Variants in AUTS2 observed in about 807,000 individuals in gnomAD.
AUTS2 encodes activator of transcription and developmental regulator AUTS2.
A neutral mutation model predicts 112.4 loss-of-function variants in AUTS2; 17 were observed. The ratio of observed to expected loss-of-function variants is 0.15; its 90% CI spans 0.10 to 0.23. AUTS2 has a LOEUF of 0.23. Ranked by LOEUF, AUTS2 falls within the 10% of genes least tolerant of loss-of-function variation. The probability of loss-of-function intolerance (pLI) is 1.00; values close to 1 mark genes in which losing one functional copy is unlikely to be tolerated. For synonymous variants in AUTS2, 751 were observed against 702.7 expected, an observed-to-expected ratio of 1.07 and a Z score of -1.09; for missense variants, 1,510 against 1,701.6, an observed-to-expected ratio of 0.89 and a Z score of 1.98.
intron 1 of AUTS2, among the ~76,000 whole-genome samples, chr7:69,839,916 A>G (rs2129528465): frequency 6.6e-6 from 1 of 152,220 alleles, no homozygotes; most frequent in East Asian, 1.9e-4. Flanking sequence ...AGAGGCAGAT[A>G]AGAAACAGGA....
At chr7:70,620,565 C>A (rs1009168214) in intron 5 of AUTS2, among the ~76,000 whole-genome samples, 8 of 152,162 alleles carry the variant, frequency 5.3e-5, no homozygotes, top group Non-Finnish European at 1.5e-5. Context: ...AAACCACAGG[C>A]CTGACTGCTT....
intron 6 of AUTS2, among the ~76,000 whole-genome samples, chr7:70,762,335 C>T (rs1438441248): frequency 1.3e-5 from 2 of 152,106 alleles, no homozygotes; most frequent in African/African-American, 4.8e-5. Context: ...CAGAGTCTCG[C>T]TACGTTGCCC....
intron 2 of AUTS2, among the ~76,000 whole-genome samples, chr7:69,950,855 G>A (rs369181151): frequency 2.6e-5 from 4 of 152,036 alleles, no homozygotes; most frequent in South Asian, 4.2e-4. Flanking sequence ...GGATTTGGTC[G>A]GGTGCGGTGG....
At chr7:69,661,371 A>G (rs1163553551) in intron 1 of AUTS2, among the ~76,000 whole-genome samples, 4 of 152,238 alleles carry the variant, frequency 2.6e-5, no homozygotes, top group Non-Finnish European at 5.9e-5. Flanking sequence ...TCCTGTCCAC[A>G]GTGTTTGCCA....
Position 70,790,937 on chromosome 7 carries a change from T to A in AUTS2, c.3721T>A (p.Ser1241Thr), listed in dbSNP as rs1791911308. 1.3e-6 allele frequency: 2 copies of A among 1,539,612 alleles called. No homozygotes were observed. Among genetic ancestry groups the A allele is most frequent in the Non-Finnish European group, 1.7e-6 (2 of 1,144,606 alleles). The change falls in exon 19 of 19, where the codon TCC becomes ACC. Residue 1241 changes from serine (S) to threonine (T), a missense_variant. Ser to Thr is a moderately conservative substitution (Grantham distance 58). Transcript: ENST00000342771. The surrounding 1 kb of genome is among the most constrained non-coding windows in gnomAD (Gnocchi z 7.6). ...PVSPRRTTPL[S>T]AEIRERPPSH... The stretch of plus-strand genomic sequence containing the variant: ...CTCTCCCAGAAGGACGACTCCTCTG[T>A]CCGCAGAGATAAGGGAGAGGCCCCC...
intron 4 of AUTS2, among the ~76,000 whole-genome samples, chr7:70,396,414 T>A (rs1457094636): frequency 6.6e-6 from 1 of 152,008 alleles, no homozygotes; most frequent in Non-Finnish European, 1.5e-5. Context: ...TCTCTTTCTG[T>A]CACCCAGGCT....
intron 1 of AUTS2, among the ~76,000 whole-genome samples, chr7:69,810,199 A>G (rs913717254): frequency 1.2e-4 from 18 of 152,174 alleles, no homozygotes; most frequent in Non-Finnish European, 1.9e-4. Context: ...AACAGCGGCT[A>G]AGAGTGCCGG....
At chr7:70,629,749 C>G (rs1805159488) in intron 5 of AUTS2, among the ~76,000 whole-genome samples, 1 of 151,986 alleles carries the variant, frequency 6.6e-6, no homozygotes. Flanking sequence ...CTAAATTTAC[C>G]TAAGGTTCTT....
intron 2 of AUTS2, among the ~76,000 whole-genome samples, chr7:69,922,021 G>A (rs1373038206): frequency 6.6e-6 from 1 of 151,986 alleles, no homozygotes; most frequent in Non-Finnish European, 1.5e-5. Flanking sequence ...CCGAGATCAC[G>A]CCATTGCACT....
At chr7:70,243,011 T>C (rs1270885941) in intron 4 of AUTS2, among the ~76,000 whole-genome samples, 1 of 152,184 alleles carries the variant, frequency 6.6e-6, no homozygotes, top group Non-Finnish European at 1.5e-5. Flanking sequence ...TTGCCTATTT[T>C]ACCCTTAGGC....
intron 4 of AUTS2, among the ~76,000 whole-genome samples, chr7:70,252,796 C>G (rs980884733): frequency 6.6e-6 from 1 of 152,042 alleles, no homozygotes; most frequent in African/African-American, 2.4e-5. Flanking sequence ...TTTCATTGTT[C>G]TGCTTGTGGA....
At chr7:70,602,719 T>C (rs1479969042) in intron 5 of AUTS2, among the ~76,000 whole-genome samples, 3 of 152,216 alleles carry the variant, frequency 2.0e-5, no homozygotes, top group Non-Finnish European at 4.4e-5. Flanking sequence ...GATCACTGTT[T>C]CTTGAACACA....
At chr7:70,590,105 G>A (rs569712156) in intron 5 of AUTS2, among the ~76,000 whole-genome samples, 8 of 151,044 alleles carry the variant, frequency 5.3e-5, no homozygotes, top group Admixed American at 4.0e-4. Context: ...ACAGTGGCCA[G>A]GAACTTGTTT....
intron 4 of AUTS2, among the ~76,000 whole-genome samples, chr7:70,314,614 A>G (rs760137312): frequency 2.2e-4 from 34 of 152,092 alleles, no homozygotes; most frequent in Non-Finnish European, 4.6e-4. Context: ...TTTTCCTCTC[A>G]TCTTAAACCC....
chr7:70,237,628 A>G (rs1175143588), intron 4 of AUTS2, among the ~76,000 whole-genome samples: 1 of 152,220 alleles, frequency 6.6e-6, no homozygotes, highest in African/African-American at 2.4e-5. Context: ...ATGCATGACA[A>G]TTCAATTTGT....
chr7:70,400,941 G>T (rs989531445), intron 4 of AUTS2, among the ~76,000 whole-genome samples: 1 of 152,132 alleles, frequency 6.6e-6, no homozygotes, highest in African/African-American at 2.4e-5. Context: ...TGGCAGCAGC[G>T]TACAAGATGG....
chr7:70,056,941 T>G (rs1802020201), intron 2 of AUTS2, among the ~76,000 whole-genome samples: 1 of 152,220 alleles, frequency 6.6e-6, no homozygotes, highest in Non-Finnish European at 1.5e-5. Context: ...TTCCTATGAT[T>G]ATAATGATTC....
chr7:69,778,509 G>T (rs1307737805), intron 1 of AUTS2, among the ~76,000 whole-genome samples: 1 of 152,010 alleles, frequency 6.6e-6, no homozygotes, highest in Non-Finnish European at 1.5e-5. Context: ...GTTGTAATGT[G>T]CAGTAAGGTT....
At chr7:69,956,029 G>C (rs796253986) in intron 2 of AUTS2, among the ~76,000 whole-genome samples, 2 of 152,198 alleles carry the variant, frequency 1.3e-5, no homozygotes, top group African/African-American at 4.8e-5. Flanking sequence ...CAGAGGTTTG[G>C]GGATTGTGTC....
Sources: allele counts gnomAD v4.1 joint callset (sites outside exome capture counted in the v4.1 genomes callset), GRCh38; gene constraint gnomAD v4.1.1; non-coding constraint Gnocchi (gnomAD v3.1); transcripts MANE v1.5; gene names NCBI Gene and HGNC (gene_info 2026-07-23, HGNC 2026-07-21).